KCNH8: variants seen among roughly 807,000 people sequenced by gnomAD.
KCNH8 encodes potassium voltage-gated channel subfamily H member 8.
KCNH8 carries 70 observed loss-of-function variants against 103.6 expected under a neutral mutation model. That is an observed-to-expected ratio of 0.68 (90% CI 0.56 to 0.82). KCNH8 has a LOEUF of 0.82. Ranked by LOEUF, KCNH8 falls within the 40% of genes least tolerant of loss-of-function variation. The pLI is 0.00. For missense variants in KCNH8, 1,217 were observed against 1,329.9 expected (o/e 0.92, Z 1.32); for synonymous variants, 498 against 489.4 (o/e 1.02, Z -0.23).
chr3:19,165,504 G>C (rs1247333455), intron 1 of KCNH8, among the ~76,000 whole-genome samples: 1 of 152,004 alleles, frequency 6.6e-6, no homozygotes, highest in Non-Finnish European at 1.5e-5. Context: ...AGCAAGCTTT[G>C]GACTTACAGC....
intron 1 of KCNH8, among the ~76,000 whole-genome samples, chr3:19,160,396 G>A (rs1210257830): frequency 6.6e-6 from 1 of 151,914 alleles, no homozygotes; most frequent in Non-Finnish European, 1.5e-5. Flanking sequence ...TAAGTGTAGA[G>A]TTCATTGAAT....
rs190266396 is a variant in KCNH8 at position 19,430,771 on chromosome 3, T to C, written c.1178-7393T>C. Among the ~76,000 whole-genome samples, 3 of 152,284 alleles carry C rather than the reference T, an allele frequency of 2.0e-5. No individual in the cohort carries two copies. The East Asian group carries it at 5.8e-4, about 29-fold the overall frequency. ...ACTGTGAATGGGAGTTTGCTTGCGA[T>C]TTGACTCTCTGCTTGACCATTGTTG... On this transcript the variant is annotated intron_variant, in intron 7 of 15. Coordinates refer to ENST00000328405, the MANE Select transcript of KCNH8 (RefSeq NM_144633.3).
intron 1 of KCNH8, among the ~76,000 whole-genome samples, chr3:19,221,067 A>C (rs2063868934): frequency 6.6e-6 from 1 of 152,198 alleles, no homozygotes; most frequent in Admixed American, 6.5e-5. Context: ...CTTCTGCCAC[A>C]CTTATCTTCA....
At chr3:19,404,573 G>A (rs2066663249) in intron 7 of KCNH8, among the ~76,000 whole-genome samples, 1 of 151,870 alleles carries the variant, frequency 6.6e-6, no homozygotes, top group Admixed American at 6.6e-5. Flanking sequence ...ATATGCTTCT[G>A]GCTCTGGGAG....
intron 3 of KCNH8, among the ~76,000 whole-genome samples, chr3:19,304,694 A>G (rs2125292100): frequency 6.6e-6 from 1 of 152,238 alleles, no homozygotes; most frequent in East Asian, 1.9e-4. Context: ...TTAGAGGACT[A>G]TCAAGGACTA....
chr3:19,209,064 T>C (rs556002384), intron 1 of KCNH8, among the ~76,000 whole-genome samples: 1 of 152,064 alleles, frequency 6.6e-6, no homozygotes, highest in South Asian at 2.1e-4. Flanking sequence ...AAATATAGAC[T>C]ACACAGTTCA....
At chr3:19,445,260 T>C (rs1048702311) in intron 8 of KCNH8, among the ~76,000 whole-genome samples, 12 of 151,972 alleles carry the variant, frequency 7.9e-5, no homozygotes, top group Non-Finnish European at 1.5e-4. Flanking sequence ...AGAAAGTTTA[T>C]AGATAGGCAA....
chr3:19,375,282 T>C (rs1261511585), intron 5 of KCNH8, among the ~76,000 whole-genome samples: 2 of 150,498 alleles, frequency 1.3e-5, no homozygotes, highest in Non-Finnish European at 3.0e-5. Flanking sequence ...TAGTCCCATA[T>C]TTCTTGGAGG....
chr3:19,328,253 C>A (rs2065458524), intron 3 of KCNH8, among the ~76,000 whole-genome samples: 1 of 152,168 alleles, frequency 6.6e-6, no homozygotes, highest in African/African-American at 2.4e-5. Context: ...TTGGCTCATA[C>A]TTTCCTTTTG....
chr3:19,316,288 C>T (rs1379476042), intron 3 of KCNH8, among the ~76,000 whole-genome samples: 1 of 151,788 alleles, frequency 6.6e-6, no homozygotes, highest in Non-Finnish European at 1.5e-5. Context: ...CACTAAATGC[C>T]AGTAATACCC....
chr3:19,200,802 C>G (rs1397465946), intron 1 of KCNH8, among the ~76,000 whole-genome samples: 3 of 151,952 alleles, frequency 2.0e-5, no homozygotes, highest in Non-Finnish European at 4.4e-5. Flanking sequence ...AGTGAGAGTT[C>G]ATTAGTAAAT....
At chr3:19,180,394 A>G (rs1216273872) in intron 1 of KCNH8, among the ~76,000 whole-genome samples, 4 of 152,086 alleles carry the variant, frequency 2.6e-5, no homozygotes, top group African/African-American at 7.2e-5. Flanking sequence ...GAAAGCTACT[A>G]TTGAACTGCC....
At chr3:19,396,352 A>C (rs1307842838) in intron 7 of KCNH8, among the ~76,000 whole-genome samples, 2 of 152,018 alleles carry the variant, frequency 1.3e-5, no homozygotes, top group Non-Finnish European at 2.9e-5. Context: ...GGACATATAC[A>C]AAGCCTTCAA....
chr3:19,335,467 G>GTA (rs1463987049), intron 3 of KCNH8, among the ~76,000 whole-genome samples: 2 of 115,796 alleles, frequency 1.7e-5, no homozygotes, highest in African/African-American at 6.9e-5. Context: ...GTGTGTGTGT[G>GTA]TATATATATG....
chr3:19,183,702 G>A (rs929596771), intron 1 of KCNH8, among the ~76,000 whole-genome samples: 2 of 152,152 alleles, frequency 1.3e-5, no homozygotes, highest in South Asian at 2.1e-4. Context: ...ACTGGAAGTA[G>A]GTATTTGTCA....
chr3:19,208,766 A>G (rs1439756739), intron 1 of KCNH8, among the ~76,000 whole-genome samples: 1 of 151,984 alleles, frequency 6.6e-6, no homozygotes, highest in Non-Finnish European at 1.5e-5. Context: ...TATGGCAGAT[A>G]TGGTGTTCTT....
In KCNH8 at chr3:19,520,627, T is replaced by C. The variant is rs193257081; in HGVS notation, c.2619+2553T>C. Among the ~76,000 whole-genome samples the C allele has an allele frequency of 1.6e-4, 25 of 152,112 alleles. No homozygotes were observed. In the East Asian group the frequency reaches 4.3e-3, roughly 26 times the overall value. ...TATTTTCTACTAGTAACATGTGTCATCATTTGATTGCTTTATTCTTTGTTT... is the reference window on the plus strand; with the variant it reads ...TATTTTCTACTAGTAACATGTGTCACCATTTGATTGCTTTATTCTTTGTTT... On this transcript the variant is annotated intron_variant, in intron 15 of 15. Transcript: ENST00000328405.
intron 1 of KCNH8, among the ~76,000 whole-genome samples, chr3:19,178,964 T>C (rs1237984042): frequency 6.6e-6 from 1 of 152,146 alleles, no homozygotes; most frequent in African/African-American, 2.4e-5. Context: ...GTAGGAATTG[T>C]ATTCATAGTA....
chr3:19,523,191 A>G (rs1275479302), intron 15 of KCNH8, among the ~76,000 whole-genome samples: 2 of 151,856 alleles, frequency 1.3e-5, no homozygotes, highest in Non-Finnish European at 2.9e-5. Context: ...TTTAGGAATG[A>G]CTGTGTTTGC....
Sources: gnomAD v4.1 joint callset for allele counts (sites outside exome capture counted in the v4.1 genomes callset) on GRCh38, gnomAD v4.1.1 for gene constraint, MANE v1.5 for transcripts, NCBI Gene and HGNC (gene_info 2026-07-23, HGNC 2026-07-21) for gene names.